The following CDH13 variants were observed in gnomAD, a reference collection of about 807,000 sequenced individuals.
CDH13 encodes the protein cadherin 13.
CDH13 carries 24 observed loss-of-function variants against 63.8 expected under a neutral mutation model. That is an observed-to-expected ratio of 0.38 (90% CI 0.27 to 0.53). CDH13 has a LOEUF of 0.53. CDH13 is among the 20% of genes least tolerant of loss of function. The pLI is 0.85. For missense variants in CDH13, 1,049 were observed against 903.1 expected (o/e 1.16, Z -2.07); for synonymous variants, 503 against 355.3 (o/e 1.42, Z -4.67).
chr16:82,950,733 C>A (rs532605309), intron 2 of CDH13, among the ~76,000 whole-genome samples: 3 of 151,486 alleles, frequency 2.0e-5, no homozygotes, highest in South Asian at 4.2e-4. Flanking sequence ...CTACCCATGA[C>A]TTTATTTTAA....
intron 4 of CDH13, among the ~76,000 whole-genome samples, chr16:83,155,551 C>A (rs766578619): frequency 6.6e-6 from 1 of 152,160 alleles, no homozygotes; most frequent in Non-Finnish European, 1.5e-5. Flanking sequence ...CCTGCTCTTT[C>A]CCCTCAACAG....
At chr16:83,057,927 G>T (rs28754272) in intron 3 of CDH13, among the ~76,000 whole-genome samples, 3,772 of 152,144 alleles carry the variant, frequency 0.025, 154 homozygotes, top group African/African-American at 0.084. Context: ...AATTTTGAAG[G>T]CATTAAAATG....
intron 2 of CDH13, among the ~76,000 whole-genome samples, chr16:82,889,114 C>G (rs913759151): frequency 1.3e-5 from 2 of 152,192 alleles, no homozygotes; most frequent in East Asian, 3.8e-4. Flanking sequence ...TTCCCCTTAA[C>G]CTTATTTTCA....
intron 2 of CDH13, among the ~76,000 whole-genome samples, chr16:82,913,388 C>T (rs143456614): frequency 3.9e-5 from 6 of 152,264 alleles, no homozygotes; most frequent in African/African-American, 1.2e-4. Context: ...TTACCTTGAT[C>T]TACTGTGCTT....
At chr16:83,515,490 G>C (rs2074679640) in intron 7 of CDH13, among the ~76,000 whole-genome samples, 1 of 152,204 alleles carries the variant, frequency 6.6e-6, no homozygotes, top group Admixed American at 6.5e-5. Context: ...CTGTAATCAG[G>C]AGAGAAACTT....
chr16:83,340,423 A>C (rs1466405470), intron 5 of CDH13, among the ~76,000 whole-genome samples: 1 of 152,142 alleles, frequency 6.6e-6, no homozygotes, highest in African/African-American at 2.4e-5. Context: ...ACAGCCACAC[A>C]GTGAAATTCC....
At position 83,562,229 on chromosome 16, in the gene CDH13, T is replaced by C. The variant is rs149305314; in HGVS notation, c.961-40225T>C. On this transcript the variant is annotated intron_variant, in intron 7 of 13. Transcript: ENST00000567109. ...CAGAACAGGAATCTTCTGACCTGGA[T>C]AGGGCAATCAAATTCTTGATTGTGT... Among the ~76,000 whole-genome samples the C allele has an allele frequency of 1.8e-4, 27 of 152,270 alleles. No individual in the cohort carries two copies. In the East Asian group the frequency reaches 5.0e-3, roughly 28 times the overall value.
chr16:83,707,644 A>T (rs1598532041), intron 10 of CDH13, among the ~76,000 whole-genome samples: 1 of 152,124 alleles, frequency 6.6e-6, no homozygotes, highest in African/African-American at 2.4e-5. Context: ...TAAGACAGAG[A>T]TCAGCTCTTA....
In CDH13 at chr16:83,240,922, C is replaced by A. The variant is rs374581798; in HGVS notation, c.636+23425C>A. ...TAAGTCCACTCACATTGTTGTGTGA[C>A]AAATCTCCAGGACCTCTTCATCTTG... On this transcript the variant is annotated intron_variant, in intron 5 of 13. Coordinates refer to ENST00000567109, the MANE Select transcript of CDH13 (RefSeq NM_001257.5). 5.3e-5 allele frequency among the ~76,000 whole-genome samples: 8 copies of A among 152,020 alleles called. No individual in the cohort carries two copies. In the South Asian group the frequency reaches 6.2e-4, roughly 12 times the overall value.
chr16:83,763,101 T>C (rs1339754498), intron 11 of CDH13, among the ~76,000 whole-genome samples: 3 of 152,194 alleles, frequency 2.0e-5, no homozygotes, highest in African/African-American at 7.2e-5. Flanking sequence ...GGGGGAGTGA[T>C]GGCTTTTAAA....
chr16:82,697,627 A>G (rs2150985794), intron 1 of CDH13, among the ~76,000 whole-genome samples: 1 of 151,428 alleles, frequency 6.6e-6, no homozygotes, highest in Non-Finnish European at 1.5e-5. Flanking sequence ...ACGGGATTTC[A>G]CCATGTAGAC....
chr16:83,304,488 A>T (rs1026841658), intron 5 of CDH13, among the ~76,000 whole-genome samples: 4 of 152,118 alleles, frequency 2.6e-5, no homozygotes, highest in Admixed American at 2.0e-4. Context: ...ATAAAAATAG[A>T]TATGGGAAAA....
At chr16:83,222,617 T>A (rs1353472878) in intron 5 of CDH13, among the ~76,000 whole-genome samples, 2 of 152,108 alleles carry the variant, frequency 1.3e-5, no homozygotes, top group Non-Finnish European at 2.9e-5. Flanking sequence ...ACCCCAGCCC[T>A]CACTAGTAGG....
At chr16:82,807,632 T>C (rs1318126450) in intron 1 of CDH13, among the ~76,000 whole-genome samples, 2 of 152,190 alleles carry the variant, frequency 1.3e-5, no homozygotes, top group African/African-American at 4.8e-5. Flanking sequence ...AATGCCTCAT[T>C]GTGGGTTCAG....
intron 4 of CDH13, among the ~76,000 whole-genome samples, chr16:83,128,449 G>C (rs2035906066): frequency 6.6e-6 from 1 of 152,188 alleles, no homozygotes; most frequent in Non-Finnish European, 1.5e-5. Context: ...CAAATTTACA[G>C]AGGGCTGACC....
At position 83,558,881 on chromosome 16, in the gene CDH13, G is replaced by A. The variant is rs115917074; in HGVS notation, c.961-43573G>A. On this transcript the variant is annotated intron_variant, in intron 7 of 13. Transcript: ENST00000567109. Reference sequence around the variant, plus strand: ...GGTCATGCGTAGTGTGCGGGTATCCGAAGCTGGGTGTCCACAGTCACATCG... The same window carrying A: ...GGTCATGCGTAGTGTGCGGGTATCCAAAGCTGGGTGTCCACAGTCACATCG... Among the ~76,000 whole-genome samples the A allele has an allele frequency of 4.1e-3, 618 of 152,284 alleles. 1 individual carries two copies. The highest frequency in any genetic ancestry group is 9.5e-3 in the African/African-American group (395 of 41,562).
chr16:82,817,843 A>C (rs1567565870), intron 1 of CDH13, among the ~76,000 whole-genome samples: 1 of 152,180 alleles, frequency 6.6e-6, no homozygotes, highest in Non-Finnish European at 1.5e-5. Flanking sequence ...TTATATATAA[A>C]AGCATGCACG....
chr16:82,674,646 A>T (rs749934548), intron 1 of CDH13, among the ~76,000 whole-genome samples: 1 of 152,240 alleles, frequency 6.6e-6, no homozygotes, highest in Non-Finnish European at 1.5e-5. Flanking sequence ...ATATTTAAAT[A>T]TGCAAAACAT....
chr16:83,165,205 T>A (rs1471856428), intron 4 of CDH13, among the ~76,000 whole-genome samples: 8 of 152,010 alleles, frequency 5.3e-5, no homozygotes, highest in Admixed American at 1.3e-4. Context: ...CCTCCAAACG[T>A]CAAGTGGGGA....
Sources: allele counts gnomAD v4.1 joint callset (sites outside exome capture counted in the v4.1 genomes callset), GRCh38; gene constraint gnomAD v4.1.1; transcripts MANE v1.5; gene names NCBI Gene and HGNC (gene_info 2026-07-23, HGNC 2026-07-21).